Variants in RGSL1 observed in about 807,000 individuals in gnomAD.
RGSL1 encodes the protein regulator of G protein signaling like 1, also known as regulator of G protein signaling protein-like.
RGSL1 carries 97 observed loss-of-function variants against 124.7 expected under a neutral mutation model. That is an observed-to-expected ratio of 0.78 (90% CI 0.66 to 0.92). RGSL1 has a LOEUF of 0.92. RGSL1 is among the 40% of genes least tolerant of loss of function. The pLI, the probability that RGSL1 is intolerant of heterozygous loss-of-function variation, is 0.00. For synonymous variants in RGSL1, 424 were observed against 438.1 expected (o/e 0.97, Z 0.40); for missense variants, 1,233 against 1,288.4 (o/e 0.96, Z 0.66).
chr1:182,523,128 C>G (rs1294559902), intron 10 of RGSL1, among the ~76,000 whole-genome samples: 1 of 151,802 alleles, frequency 6.6e-6, no homozygotes, highest in Non-Finnish European at 1.5e-5. Context: ...CTCGACCTCC[C>G]TAGGCTCAAG....
intron 6 of RGSL1, among the ~76,000 whole-genome samples, chr1:182,484,261 T>C (rs1284018521): frequency 6.6e-6 from 1 of 152,048 alleles, no homozygotes; most frequent in Non-Finnish European, 1.5e-5. Context: ...GTCATCTTAG[T>C]CCTGGAATGC....
At chr1:182,495,414 C>A (rs1343131962) in intron 9 of RGSL1, among the ~76,000 whole-genome samples, 3 of 152,150 alleles carry the variant, frequency 2.0e-5, no homozygotes, top group Non-Finnish European at 4.4e-5. Context: ...CTCCACATGT[C>A]ATGTTTTTTC....
chr1:182,536,824 G>A (rs1381725073), intron 14 of RGSL1, among the ~76,000 whole-genome samples: 3 of 152,046 alleles, frequency 2.0e-5, no homozygotes, highest in African/African-American at 4.8e-5. Context: ...AGAACAGCAC[G>A]GGAAAGACCT....
intron 9 of RGSL1, 136 bp from the exon 10 acceptor site, chr1:182,521,868 T>G (rs1658365442): frequency 1.6e-6 from 1 of 612,210 alleles, no homozygotes; most frequent in Admixed American, 3.0e-5. Context: ...CTAGATGAAC[T>G]TAACCTGAGA....
At chr1:182,485,238 G>T (rs114651495) in intron 6 of RGSL1, among the ~76,000 whole-genome samples, 1 of 152,186 alleles carries the variant, frequency 6.6e-6, no homozygotes, top group Non-Finnish European at 1.5e-5. Context: ...CGGGGAGTGG[G>T]TGGTGGAGGC....
chr1:182,541,573 T>TATATA, intron 15 of RGSL1, among the ~76,000 whole-genome samples: 1 of 152,170 alleles, frequency 6.6e-6, no homozygotes, highest in African/African-American at 2.4e-5. Flanking sequence ...ACTCATTTTC[T>TATATA]TTCCTTTGGA....
At chr1:182,460,176 G>A (rs1290567635) in intron 4 of RGSL1, 43 bp downstream of exon 4, 1 of 1,519,868 alleles carries the variant, frequency 6.6e-7, no homozygotes, top group Non-Finnish European at 8.8e-7. Context: ...GTGTGTGTGT[G>A]TGTGTGTGTA....
Position 182,553,569 on chromosome 1 carries a change from A to C in RGSL1, c.3130+28A>C, listed in dbSNP as rs114676747. On this transcript the variant is annotated intron_variant, in intron 19 of 21. Coordinates refer to ENST00000294854, the MANE Select transcript of RGSL1 (RefSeq NM_001137669.2). ...GAGTTGGAATTGGATCCCCACTGAT[A>C]GTTTGCTACTCAATCAGAGGGGGAC... The C allele has an allele frequency of 1.3e-4, 203 of 1,539,544 alleles. No individual in the cohort carries two copies. In the African/African-American group the frequency reaches 2.7e-3, roughly 21 times the overall value.
intron 3 of RGSL1, among the ~76,000 whole-genome samples, 194 bp downstream of exon 3, chr1:182,458,587 A>G (rs1652544890): frequency 6.6e-6 from 1 of 152,122 alleles, no homozygotes; most frequent in South Asian, 2.1e-4. Context: ...CTCCCACCTA[A>G]GCCTCCCAAA....
chr1:182,473,761 C>A lies in RGSL1; in HGVS notation c.650C>A (p.Thr217Asn). ...CATGGTCTGATGCAAGAGTACGAGA[C>A]TCGCTTATACAGCGTTTGCTACACC... ...ACHGLMQEYE[T>N]RLYSVCYTHI... Residue 217 changes from threonine to asparagine, a missense_variant, in exon 6 of 22, where the codon ACT (threonine) becomes AAT (asparagine). Physicochemically the swap from Thr to Asn is moderately conservative, Grantham distance 65. Coordinates refer to ENST00000294854, the MANE Select transcript of RGSL1 (RefSeq NM_001137669.2). 5 of 1,551,728 alleles carry A rather than the reference C, an allele frequency of 3.2e-6. No homozygotes were observed. The highest frequency in any genetic ancestry group is 4.4e-6 in the Non-Finnish European group (5 of 1,146,988).
At chr1:182,457,596 G>C (rs1259527386) in intron 2 of RGSL1, among the ~76,000 whole-genome samples, 1 of 152,200 alleles carries the variant, frequency 6.6e-6, no homozygotes, top group East Asian at 1.9e-4. Context: ...GAGATGGTCA[G>C]ACTGACATGA....
intron 4 of RGSL1, among the ~76,000 whole-genome samples, chr1:182,462,423 TA>T (rs1652921754): frequency 6.6e-6 from 1 of 152,122 alleles, no homozygotes; most frequent in African/African-American, 2.4e-5. Context: ...TCAATAAAAA[TA>T]AATATAATAC....
At chr1:182,533,274 A>G (rs1659308805) in intron 14 of RGSL1, among the ~76,000 whole-genome samples, 1 of 119,452 alleles carries the variant, frequency 8.4e-6, no homozygotes, top group African/African-American at 4.2e-5. Context: ...TTGATGCCAC[A>G]TATTTGATTT....
chr1:182,453,565 G>A lies in RGSL1; in HGVS notation c.14-393G>A, dbSNP rs147930088. 95 of 159,582 alleles carry A rather than the reference G, an allele frequency of 6.0e-4. 3 individuals are homozygous for A. In the East Asian group the frequency reaches 0.014, roughly 24 times the overall value. The allele number at this position is 159,582 out of a possible 1,614,324, so 9.9% of individuals were successfully genotyped here. A position where few individuals can be genotyped will look rare whatever the true frequency, so the allele number is the denominator to read the frequency against. The stretch of plus-strand genomic sequence containing the variant: ...CCAGTGGGGTTGGAGGTAAGCAGAC[G>A]TCTGTGATGTCTTTATAAATACTGG... On this transcript the variant is annotated intron_variant, in intron 1 of 21. Transcript: ENST00000294854.
At position 182,554,643 on chromosome 1, in the gene RGSL1, T is replaced by TA; in HGVS notation, c.3148dup (p.Thr1050AsnfsTer37). 2 of 1,551,684 alleles carry TA rather than the reference T, an allele frequency of 1.3e-6. No homozygotes were observed. The highest frequency in any genetic ancestry group is 1.7e-6 in the Non-Finnish European group (2 of 1,146,976). On this transcript the variant is annotated frameshift_variant, in exon 20 of 22. Coordinates refer to ENST00000294854, the MANE Select transcript of RGSL1 (RefSeq NM_001137669.2). LOFTEE classifies it high-confidence loss of function. ...TCTCTTTAGCTTCATCAAGCAAACT[T>TA]ACTCAGCCAAGACTCGTGGTATCTG...
intron 6 of RGSL1, among the ~76,000 whole-genome samples, chr1:182,483,225 G>C (rs1654841912): frequency 6.6e-6 from 1 of 151,816 alleles, no homozygotes. Flanking sequence ...AATTCACTGA[G>C]AGAATAGGTC....
chr1:182,537,168 T>C (rs1659603134), intron 14 of RGSL1, among the ~76,000 whole-genome samples: 1 of 152,130 alleles, frequency 6.6e-6, no homozygotes, highest in African/African-American at 2.4e-5. Flanking sequence ...CAAAACTTTC[T>C]GAGTACTGAT....
intron 10 of RGSL1, among the ~76,000 whole-genome samples, chr1:182,527,327 C>T (rs139231316): frequency 7.9e-5 from 12 of 152,200 alleles, no homozygotes; most frequent in African/African-American, 2.6e-4. Context: ...AAAAATTGTC[C>T]TCATTAAAAT....
At chr1:182,480,720 T>A (rs1654640900) in intron 6 of RGSL1, among the ~76,000 whole-genome samples, 1 of 152,104 alleles carries the variant, frequency 6.6e-6, no homozygotes, top group Non-Finnish European at 1.5e-5. Flanking sequence ...CCTCCCAAAG[T>A]GCTGGGATTA....
Sources: allele counts gnomAD v4.1 joint callset (sites outside exome capture counted in the v4.1 genomes callset), GRCh38; gene constraint gnomAD v4.1.1; transcripts MANE v1.5; gene names NCBI Gene and HGNC (gene_info 2026-07-23, HGNC 2026-07-21).